Variants in OXR1 observed in about 807,000 individuals in gnomAD.
OXR1 encodes oxidation resistance 1, also known as oxidation resistance protein 1.
Under a neutral mutation model 104.6 loss-of-function variants are expected in OXR1, and 41 were observed. The observed-to-expected ratio is 0.39, with a 90% confidence interval of 0.31 to 0.51. The LOEUF (loss-of-function observed/expected upper bound fraction) is 0.51. Among genes scored for constraint, OXR1 ranks in the 20% least tolerant of loss-of-function variants. OXR1 has a pLI of 0.77. For synonymous variants in OXR1, 348 were observed against 348.4 expected (o/e 1.00, Z 0.01); for missense variants, 955 against 1,031.9 (o/e 0.93, Z 1.02).
chr8:106,720,947 TATC>T (rs1311430849), intron 11 of OXR1, among the ~76,000 whole-genome samples: 4 of 152,208 alleles, frequency 2.6e-5, no homozygotes, highest in Admixed American at 2.6e-4. Flanking sequence ...TGGAATTTCT[TATC>T]ATGAAGTCAA....
chr8:106,605,856 A>G (rs141905154), intron 3 of OXR1, among the ~76,000 whole-genome samples: 2 of 151,912 alleles, frequency 1.3e-5, no homozygotes, highest in African/African-American at 2.4e-5. Flanking sequence ...CTCAAATCTG[A>G]TATCTCCCAC....
chr8:106,339,506 AAAAAAAAAAAAAAATATATATAT>A (rs2130258373), intron 1 of OXR1, among the ~76,000 whole-genome samples: 1 of 44,260 alleles, frequency 2.3e-5, no homozygotes, highest in Non-Finnish European at 3.6e-5. Context: ...AAAAAAAAAA[AAAAAAAAAAAAAAATATATATAT>A]ATATATATAT....
At chr8:106,534,712 T>G (rs1008022138) in intron 3 of OXR1, among the ~76,000 whole-genome samples, 1 of 152,218 alleles carries the variant, frequency 6.6e-6, no homozygotes, top group Admixed American at 6.5e-5. Flanking sequence ...TAAAAGCACT[T>G]TCTTCATAGG....
chr8:106,492,829 G>C (rs1247487822), intron 2 of OXR1, among the ~76,000 whole-genome samples: 1 of 152,150 alleles, frequency 6.6e-6, no homozygotes, highest in Non-Finnish European at 1.5e-5. Context: ...ACCAAATTGT[G>C]TTAAGACTTC....
intron 2 of OXR1, among the ~76,000 whole-genome samples, chr8:106,436,922 C>A (rs1463502694): frequency 1.3e-5 from 2 of 152,076 alleles, no homozygotes; most frequent in Non-Finnish European, 2.9e-5. Context: ...GCAACTCAAA[C>A]CCCAAAAGAA....
chr8:106,346,201 A>C (rs995904548), intron 1 of OXR1, among the ~76,000 whole-genome samples: 1 of 152,110 alleles, frequency 6.6e-6, no homozygotes, highest in Non-Finnish European at 1.5e-5. Context: ...CTTTTTATAA[A>C]TAAGTGTTAT....
intron 1 of OXR1, among the ~76,000 whole-genome samples, chr8:106,310,827 C>T (rs968941100): frequency 1.3e-5 from 2 of 152,052 alleles, no homozygotes; most frequent in Admixed American, 6.5e-5. Flanking sequence ...GCTTTATTTT[C>T]TTTGATTGAA....
At chr8:106,287,849 T>C (rs1318699400) in intron 1 of OXR1, among the ~76,000 whole-genome samples, 1 of 152,206 alleles carries the variant, frequency 6.6e-6, no homozygotes, top group Non-Finnish European at 1.5e-5. Flanking sequence ...CTTCCAATAC[T>C]TGATTTGTTA....
intron 13 of OXR1, among the ~76,000 whole-genome samples, chr8:106,739,972 C>T (rs961356173): frequency 6.6e-6 from 1 of 152,248 alleles, no homozygotes; most frequent in East Asian, 1.9e-4. Flanking sequence ...TGATTCCTAA[C>T]TTGGATAGTC....
At chr8:106,298,658 T>G (rs1334026857) in intron 1 of OXR1, among the ~76,000 whole-genome samples, 2 of 152,134 alleles carry the variant, frequency 1.3e-5, no homozygotes, top group African/African-American at 4.8e-5. Flanking sequence ...GAGCCATAAA[T>G]ATTGACAGAT....
chr8:106,480,444 CT>C (rs1195083612), intron 2 of OXR1, among the ~76,000 whole-genome samples: 1 of 151,968 alleles, frequency 6.6e-6, no homozygotes, highest in Non-Finnish European at 1.5e-5. Context: ...AATAATTCTC[CT>C]TTTTTTCCTT....
intron 3 of OXR1, among the ~76,000 whole-genome samples, chr8:106,671,995 TAATAATAATAAA>T (rs1430017430): frequency 3.7e-4 from 53 of 145,128 alleles, no homozygotes; most frequent in South Asian, 1.1e-3. Context: ...ATAATAATAA[TAATAATAATAAA>T]AGGCTGTGAG....
chr8:106,319,756 G>A (rs1036691770), intron 1 of OXR1, among the ~76,000 whole-genome samples: 4 of 152,216 alleles, frequency 2.6e-5, no homozygotes, highest in African/African-American at 9.6e-5. Flanking sequence ...CCTTGGGCAG[G>A]AGGAATAAAG....
chr8:106,665,240 A>G lies in OXR1; in HGVS notation c.221-13970A>G, dbSNP rs552220898. Among the ~76,000 whole-genome samples, 8 of 152,194 alleles carry G rather than the reference A, an allele frequency of 5.3e-5. No individual in the cohort carries two copies. In the South Asian group the frequency reaches 1.7e-3, roughly 32 times the overall value. The stretch of plus-strand genomic sequence containing the variant: ...GCACACAAACACACACATTCATACT[A>G]GGACAGTTTAAACACACTAATTAAG... On this transcript the variant is annotated intron_variant, in intron 3 of 16. Transcript: ENST00000517566.
In OXR1 at chr8:106,752,345, T is replaced by C. The variant is rs1278571059; in HGVS notation, c.*1404T>C. On this transcript the variant is annotated 3_prime_UTR_variant, in exon 17 of 17. Transcript: ENST00000517566. ...TTAAGTAGATTTAGTTGTATAGCAC[T>C]TACATATTTAGTTCTTTTGAAAGTT... The C allele has an allele frequency of 1.3e-5, 2 of 152,552 alleles. No individual in the cohort carries two copies. Among genetic ancestry groups the C allele is most frequent in the African/African-American group, 4.8e-5 (2 of 41,454 alleles). The allele number at this position is 152,552 out of a possible 1,614,324, so 9.4% of individuals were successfully genotyped here.
chr8:106,705,306 G>A (rs756801625), intron 8 of OXR1, among the ~76,000 whole-genome samples: 1 of 151,944 alleles, frequency 6.6e-6, no homozygotes, highest in Non-Finnish European at 1.5e-5. Context: ...TTTTTAAGAT[G>A]AATCAGATAC....
At chr8:106,410,737 A>G (rs1818425748) in intron 2 of OXR1, among the ~76,000 whole-genome samples, 1 of 152,030 alleles carries the variant, frequency 6.6e-6, no homozygotes. Context: ...TATAAGAAAA[A>G]GAGGAGTGAT....
chr8:106,344,737 C>CATGAAAAAA (rs1191888356), intron 1 of OXR1, among the ~76,000 whole-genome samples: 14 of 152,194 alleles, frequency 9.2e-5, no homozygotes, highest in African/African-American at 3.4e-4. Context: ...CCAGCTGATG[C>CATGAAAAAA]ATGAAAAGTG....
intron 2 of OXR1, among the ~76,000 whole-genome samples, chr8:106,471,273 TTAA>T (rs1586684627): frequency 6.6e-6 from 1 of 151,928 alleles, no homozygotes; most frequent in East Asian, 1.9e-4. Flanking sequence ...AAGTAGACGA[TTAA>T]TAATTTTAAT....
Sources: gnomAD v4.1 joint callset for allele counts (sites outside exome capture counted in the v4.1 genomes callset) on GRCh38, gnomAD v4.1.1 for gene constraint, MANE v1.5 for transcripts, NCBI Gene and HGNC (gene_info 2026-07-23, HGNC 2026-07-21) for gene names.